Variants in SNRPN observed in about 807,000 individuals in gnomAD.
SNRPN encodes the protein small nuclear ribonucleoprotein polypeptide N.
SNRPN carries 7 observed loss-of-function variants against 25.2 expected under a neutral mutation model. The observed-to-expected ratio is 0.28, with a 90% CI of 0.16 to 0.52. The LOEUF (loss-of-function observed/expected upper bound fraction) is 0.52. SNRPN is among the 20% of genes least tolerant of loss of function. The probability of loss-of-function intolerance (pLI) is 0.96; values close to 1 mark genes in which losing one functional copy is unlikely to be tolerated. For synonymous variants in SNRPN, 124 were observed against 110.6 expected (o/e 1.12, Z -0.76); for missense variants, 196 against 322.5 (o/e 0.61, Z 3.00).
intron 1 of SNRPN, among the ~76,000 whole-genome samples, chr15:24,885,345 C>T (rs2057099681): frequency 6.6e-6 from 1 of 152,170 alleles, no homozygotes. Context: ...CTCTAACCAG[C>T]TCCTGCTTCC....
At chr15:24,894,860 C>A (rs1320763997) in intron 2 of SNRPN, among the ~76,000 whole-genome samples, 1 of 152,170 alleles carries the variant, frequency 6.6e-6, no homozygotes, top group East Asian at 1.9e-4. Context: ...TTGCCAGAAA[C>A]TTCTACCCTT....
chr15:24,952,708 C>T (rs894485104), upstream of SNRPN, among the ~76,000 whole-genome samples: 3 of 152,012 alleles, frequency 2.0e-5, no homozygotes, highest in East Asian at 1.9e-4. Flanking sequence ...TAGATAAGTG[C>T]GAGTTGAGAA....
intron 2 of SNRPN, among the ~76,000 whole-genome samples, chr15:24,892,289 A>G (rs531852121): frequency 6.6e-6 from 1 of 152,312 alleles, no homozygotes; most frequent in South Asian, 2.1e-4. Context: ...GAAGTCTGAC[A>G]GGGGAGGAAG....
intron 2 of SNRPN, among the ~76,000 whole-genome samples, chr15:24,966,128 A>G (rs921136063): frequency 1.3e-5 from 2 of 152,204 alleles, no homozygotes; most frequent in African/African-American, 4.8e-5. Flanking sequence ...ATTCCCCTCA[A>G]TGCAGACACC....
chr15:24,955,451 C>T (rs975979459), intron 1 of SNRPN, among the ~76,000 whole-genome samples: 2 of 151,432 alleles, frequency 1.3e-5, no homozygotes, highest in Non-Finnish European at 1.5e-5. Flanking sequence ...CGTGGGGGGA[C>T]CAGTGCATAG....
chr15:24,939,362 G>A (rs920649374), intron 3 of SNRPN, among the ~76,000 whole-genome samples: 49 of 152,112 alleles, frequency 3.2e-4, no homozygotes, highest in African/African-American at 1.1e-3. Context: ...CTTTGGATGT[G>A]CTTCTTGGCC....
At chr15:24,947,954 A>G (rs563411097) in intron 3 of SNRPN, among the ~76,000 whole-genome samples, 1 of 150,984 alleles carries the variant, frequency 6.6e-6, no homozygotes, top group Non-Finnish European at 1.5e-5. Context: ...TATTTTATTT[A>G]TTATTATTAT....
At chr15:24,883,695 G>C (rs1412733760) in intron 1 of SNRPN, among the ~76,000 whole-genome samples, 1 of 151,986 alleles carries the variant, frequency 6.6e-6, no homozygotes, top group African/African-American at 2.4e-5. Flanking sequence ...AATAATATTA[G>C]TTACTACTAG....
chr15:24,828,806 G>GA (rs894418523), intron 1 of SNRPN, among the ~76,000 whole-genome samples: 1 of 151,726 alleles, frequency 6.6e-6, no homozygotes, highest in Non-Finnish European at 1.5e-5. Context: ...TGGAAATCAA[G>GA]AAAAAAAATT....
intron 2 of SNRPN, among the ~76,000 whole-genome samples, chr15:24,897,555 A>C (rs2058150810): frequency 6.6e-6 from 1 of 152,238 alleles, no homozygotes; most frequent in Admixed American, 6.5e-5. Context: ...ACTGCACTCC[A>C]GAATGGATGA....
intron 2 of SNRPN, among the ~76,000 whole-genome samples, chr15:24,845,457 G>C (rs1485446936): frequency 6.6e-6 from 1 of 152,130 alleles, no homozygotes; most frequent in Non-Finnish European, 1.5e-5. Context: ...AATTAGCCGA[G>C]TGTGGTGGCA....
intron 1 of SNRPN, among the ~76,000 whole-genome samples, chr15:24,882,564 C>T (rs1212487391): frequency 6.6e-6 from 1 of 152,160 alleles, no homozygotes; most frequent in South Asian, 2.1e-4. Context: ...CGGTGGCTTA[C>T]GCCTGTAATT....
At chr15:24,900,858 G>T (rs2058399405) in intron 2 of SNRPN, among the ~76,000 whole-genome samples, 1 of 152,152 alleles carries the variant, frequency 6.6e-6, no homozygotes, top group Non-Finnish European at 1.5e-5. Context: ...CACTTTGGAT[G>T]CCAAGGCAGG....
At chr15:24,845,684 CTAAT>C (rs1258452775) in intron 2 of SNRPN, among the ~76,000 whole-genome samples, 5 of 152,088 alleles carry the variant, frequency 3.3e-5, no homozygotes, top group African/African-American at 7.2e-5. Context: ...TTTGGCTATA[CTAAT>C]TATTTAGTTT....
chr15:24,968,385 T>C (rs777763532), intron 3 of SNRPN: 7 of 191,784 alleles, frequency 3.6e-5, no homozygotes, highest in Admixed American at 2.8e-4. Flanking sequence ...ACTGAATGTT[T>C]ATAATTTCCT....
chr15:24,877,935 T>C (rs944907173), intron 1 of SNRPN, among the ~76,000 whole-genome samples: 2 of 152,214 alleles, frequency 1.3e-5, no homozygotes, highest in African/African-American at 2.4e-5. Context: ...TCTTAAGTAG[T>C]GCACGGGTTA....
intron 3 of SNRPN, chr15:24,942,549 T>G (rs979170249): frequency 6.6e-6 from 1 of 152,254 alleles, no homozygotes; most frequent in African/African-American, 2.4e-5. Flanking sequence ...GCGATGTTGT[T>G]TGGAATACTA....
chr15:24,953,062 A>G (rs1270787781), upstream of SNRPN, among the ~76,000 whole-genome samples: 1 of 152,218 alleles, frequency 6.6e-6, no homozygotes, highest in Non-Finnish European at 1.5e-5. Flanking sequence ...TTATACTAGG[A>G]CCTGTTCTAA....
chr15:24,896,352 A>G (rs774813715), intron 2 of SNRPN, among the ~76,000 whole-genome samples: 24 of 152,178 alleles, frequency 1.6e-4, no homozygotes, highest in Non-Finnish European at 2.6e-4. Flanking sequence ...TGTTTATGCT[A>G]TGTTATATGT....
Sources: gnomAD v4.1 joint callset for allele counts (sites outside exome capture counted in the v4.1 genomes callset) on GRCh38, gnomAD v4.1.1 for gene constraint, MANE v1.5 for transcripts, NCBI Gene and HGNC (gene_info 2026-07-23, HGNC 2026-07-21) for gene names.